Variants in FAM107B observed in about 807,000 individuals in gnomAD.
FAM107B encodes protein FAM107B.
Under a neutral mutation model 31.5 loss-of-function variants are expected in FAM107B, and 21 were observed. That is an observed-to-expected ratio of 0.67 (90% CI 0.47 to 0.96). The LOEUF (loss-of-function observed/expected upper bound fraction) is 0.96. Ranked by LOEUF, FAM107B falls within the 40% of genes least tolerant of loss-of-function variation. The pLI, the probability that FAM107B is intolerant of heterozygous loss-of-function variation, is 0.00. For synonymous variants in FAM107B, 157 were observed against 141.5 expected, an observed-to-expected ratio of 1.11 and a Z score of -0.78; for missense variants, 452 against 377.1, an observed-to-expected ratio of 1.20 and a Z score of -1.64.
At chr10:14,737,175 C>T (rs1856318850) in intron 1 of FAM107B, among the ~76,000 whole-genome samples, 1 of 152,100 alleles carries the variant, frequency 6.6e-6, no homozygotes, top group Admixed American at 6.5e-5. Context: ...CTCTGCCTTA[C>T]AGTGGGCTCT....
chr10:14,558,114 C>G (rs1849859531), intron 2 of FAM107B, among the ~76,000 whole-genome samples: 1 of 152,266 alleles, frequency 6.6e-6, no homozygotes, highest in South Asian at 2.1e-4. Flanking sequence ...CTGGACTACT[C>G]CATTAAATGC....
chr10:14,754,244 T>G (rs1267490951), intron 1 of FAM107B, among the ~76,000 whole-genome samples: 1 of 152,218 alleles, frequency 6.6e-6, no homozygotes, highest in Non-Finnish European at 1.5e-5. Flanking sequence ...CGGCCACCAG[T>G]GAAAATTCTT....
intron 2 of FAM107B, among the ~76,000 whole-genome samples, chr10:14,629,334 ATATATGTAATT>A (rs1853264708): frequency 8.5e-6 from 1 of 117,878 alleles, no homozygotes; most frequent in Non-Finnish European, 1.6e-5. Flanking sequence ...AATTATATAA[ATATATGTAATT>A]TATATATATA....
chr10:14,575,336 T>C (rs1247356510), intron 2 of FAM107B, among the ~76,000 whole-genome samples: 2 of 151,986 alleles, frequency 1.3e-5, no homozygotes, highest in Non-Finnish European at 2.9e-5. Flanking sequence ...CCTGAGTAAC[T>C]AGGATTACAA....
At chr10:14,554,193 C>CA in intron 2 of FAM107B, 1 of 980,386 alleles carries the variant, frequency 1.0e-6, no homozygotes, top group South Asian at 4.7e-5. Context: ...TCTACCCTCC[C>CA]ACTGCCTTAC....
intron 1 of FAM107B, among the ~76,000 whole-genome samples, chr10:14,685,970 A>C: frequency 6.6e-6 from 1 of 152,202 alleles, no homozygotes; most frequent in East Asian, 1.9e-4. Context: ...ACTCCCATTT[A>C]TAAAACCATC....
At chr10:14,546,917 C>A (rs987463271) in intron 2 of FAM107B, among the ~76,000 whole-genome samples, 1 of 152,146 alleles carries the variant, frequency 6.6e-6, no homozygotes, top group Non-Finnish European at 1.5e-5. Flanking sequence ...CTTTTCTCAC[C>A]AACATGTATG....
chr10:14,690,117 C>G (rs1855096068), intron 1 of FAM107B, among the ~76,000 whole-genome samples: 1 of 152,114 alleles, frequency 6.6e-6, no homozygotes, highest in African/African-American at 2.4e-5. Context: ...TCCTTCTCCT[C>G]CTGCCTGTTG....
intron 1 of FAM107B, among the ~76,000 whole-genome samples, chr10:14,676,165 A>G (rs1189389436): frequency 6.6e-6 from 1 of 152,106 alleles, no homozygotes; most frequent in Non-Finnish European, 1.5e-5. Flanking sequence ...TCTCAGAATC[A>G]AAAACAAAAC....
In FAM107B at chr10:14,530,322, AC is replaced by A. The variant is rs750922498; in HGVS notation, c.653+9del. The A allele has an allele frequency of 1.4e-5, 22 of 1,597,666 alleles. No individual in the cohort carries two copies. The highest frequency in any genetic ancestry group is 2.3e-5 in the South Asian group (2 of 86,582). On this transcript the variant is annotated intron_variant, in intron 3 of 4. Coordinates refer to ENST00000181796, the MANE Select transcript of FAM107B (RefSeq NM_031453.4). ...CTTAAAAAAAAAATATGCTCAAGAA[AC>A]CATTTTACCTTTTTTGATTCATAAG...
At chr10:14,648,483 C>T (rs1388243189) in intron 2 of FAM107B, among the ~76,000 whole-genome samples, 1 of 152,122 alleles carries the variant, frequency 6.6e-6, no homozygotes, top group Non-Finnish European at 1.5e-5. Context: ...TCTCAGGCTC[C>T]GAGGGGAAAA....
rs554739096 is a variant in FAM107B, at chr10:14,546,066, A to C, written c.470-15551T>G. Reference sequence around the variant, plus strand: ...TTTATGACCTGGCCCAACTGGCCAAACAAACTAATACTTTCAAAAGAAGAG... The same window carrying C: ...TTTATGACCTGGCCCAACTGGCCAACCAAACTAATACTTTCAAAAGAAGAG... On this transcript the variant is annotated intron_variant, in intron 2 of 4. Coordinates refer to ENST00000181796, the MANE Select transcript of FAM107B (RefSeq NM_031453.4). 2.0e-5 allele frequency among the ~76,000 whole-genome samples: 3 copies of C among 152,380 alleles called. 1 individual carries two copies. In the South Asian group the frequency reaches 6.2e-4, roughly 32 times the overall value.
chr10:14,572,204 A>G, intron 2 of FAM107B: 1 of 985,416 alleles, frequency 1.0e-6, no homozygotes. Context: ...AACAAACCGT[A>G]CCAACTCTGG....
rs1404763622 is a variant in FAM107B at position 14,774,623 on chromosome 10, G to A, written c.41C>T (p.Ser14Phe). ...AAATGGATGCATGCTTCTAGAGGGA[G>A]ACTTCAGTCTTTTGGTGAGTCTTGC... ...WKARLTKRLK[S>F]PSRSMHPFPC... is the part of the protein sequence containing the mutation. Residue 14 changes from serine to phenylalanine, a missense_variant, in exon 1 of 5, where the codon TCT becomes TTT. Ser to Phe is a radical substitution (Grantham distance 155). Coordinates refer to ENST00000181796, the MANE Select transcript of FAM107B (RefSeq NM_031453.4). 1.9e-6 allele frequency: 3 copies of A among 1,614,026 alleles called. No individual in the cohort carries two copies. The highest frequency in any genetic ancestry group is 2.5e-6 in the Non-Finnish European group (3 of 1,180,014).
intron 1 of FAM107B, among the ~76,000 whole-genome samples, chr10:14,739,720 T>G (rs1196524096): frequency 6.6e-6 from 1 of 152,206 alleles, no homozygotes; most frequent in Non-Finnish European, 1.5e-5. Context: ...GTTCTACAAC[T>G]TGTGCTAGAA....
chr10:14,746,637 C>A (rs527387918), intron 1 of FAM107B, among the ~76,000 whole-genome samples: 2 of 152,252 alleles, frequency 1.3e-5, no homozygotes, highest in East Asian at 3.9e-4. Context: ...TGTCTTTTGA[C>A]TTGTTGGGTT....
rs376901999 is a variant in FAM107B at position 14,629,427 on chromosome 10, A to T, written c.469+38207T>A. Reference sequence around the variant, plus strand: ...TATATTTAATATATATAATATATATAATATATATTATATATATATTATATA... The same window carrying T: ...TATATTTAATATATATAATATATATTATATATATTATATATATATTATATA... On this transcript the variant is annotated intron_variant, in intron 2 of 4. Transcript: ENST00000181796. Among the ~76,000 whole-genome samples, 30 of 23,358 alleles carry T rather than the reference A, an allele frequency of 1.3e-3. 1 individual carries two copies. The highest frequency in any genetic ancestry group is 3.9e-3 in the Admixed American group (6 of 1,544). The allele number at this position is 23,358 out of a possible 152,430, so 15.3% of individuals were successfully genotyped here.
chr10:14,706,509 C>T (rs1207935093), intron 1 of FAM107B, among the ~76,000 whole-genome samples: 2 of 152,128 alleles, frequency 1.3e-5, no homozygotes, highest in African/African-American at 4.8e-5. Context: ...ATATCTGCCT[C>T]ATTTTAATGC....
chr10:14,719,891 T>C (rs989345812), intron 1 of FAM107B, among the ~76,000 whole-genome samples: 8 of 152,220 alleles, frequency 5.3e-5, no homozygotes, highest in Admixed American at 4.6e-4. Context: ...GCTCTTCTTA[T>C]GCTGTTGTCT....
Sources: gnomAD v4.1 joint callset for allele counts (sites outside exome capture counted in the v4.1 genomes callset) on GRCh38, gnomAD v4.1.1 for gene constraint, MANE v1.5 for transcripts, NCBI Gene and HGNC (gene_info 2026-07-23, HGNC 2026-07-21) for gene names.